The following SART3 variants were observed in gnomAD, a reference collection of about 807,000 sequenced individuals.
SART3 encodes the protein HIV-1 Tat-interacting protein of 110kDa.
SART3 carries 44 observed loss-of-function variants against 122.3 expected under a neutral mutation model. The observed-to-expected ratio is 0.36, with a 90% CI of 0.28 to 0.46. The LOEUF is 0.46. SART3 is among the 20% of genes least tolerant of loss of function. The pLI, the probability that SART3 is intolerant of heterozygous loss-of-function variation, is 1.00. For synonymous variants in SART3, 442 were observed against 454.0 expected (o/e 0.97, Z 0.34); for missense variants, 1,101 against 1,229.0 (o/e 0.90, Z 1.56).
At position 108,560,960 on chromosome 12, in the gene SART3, G is replaced by C. The variant is rs773264444; in HGVS notation, c.195C>G (p.Ser65Arg). ...WDQQEEGVSE[S>R]DGDEYAMASS... ...AAGCCATGGCGTACTCATCCCCATC[G>C]CTCTCGCTCACGCCTTCCTCCTGCT... Residue 65 changes from serine (S) to arginine (R), a missense_variant, in exon 1 of 19, where the codon AGC (serine) becomes AGG (arginine). Ser to Arg is a moderately radical substitution (Grantham distance 110, BLOSUM62 -1). Coordinates refer to ENST00000546815, the MANE Select transcript of SART3 (RefSeq NM_014706.4). The C allele has an allele frequency of 6.2e-7, 1 of 1,613,984 alleles. No homozygotes were observed. Among genetic ancestry groups the C allele is most frequent in the South Asian group, 1.1e-5 (1 of 91,070 alleles).
At chr12:108,556,962 G>C (rs2030245239) in intron 1 of SART3, among the ~76,000 whole-genome samples, 1 of 144,866 alleles carries the variant, frequency 6.9e-6, no homozygotes, top group Non-Finnish European at 1.6e-5. Context: ...ATCAGCAGAA[G>C]AAAAAGGTAT....
intron 15 of SART3, among the ~76,000 whole-genome samples, chr12:108,527,890 C>T (rs35763863): frequency 0.026 from 3,961 of 152,124 alleles, 77 homozygotes; most frequent in Non-Finnish European, 0.042. Context: ...CTCAGCCTCC[C>T]GAGTAGCTGG....
At chr12:108,540,359 A>G (rs1320966231) in intron 6 of SART3, among the ~76,000 whole-genome samples, 1 of 152,212 alleles carries the variant, frequency 6.6e-6, no homozygotes, top group African/African-American at 2.4e-5. Context: ...AAGGGAAGCA[A>G]AGACCTTTTT....
intron 15 of SART3, 109 bp from the exon 16 acceptor site, chr12:108,526,662 C>A: frequency 8.4e-7 from 1 of 1,185,186 alleles, no homozygotes; most frequent in Non-Finnish European, 1.2e-6. Context: ...GTGACACTTA[C>A]TCCCTCACCA....
At chr12:108,557,206 GTTTTTTTT>G (rs71076787) in intron 1 of SART3, among the ~76,000 whole-genome samples, 14 of 82,930 alleles carry the variant, frequency 1.7e-4, no homozygotes, top group African/African-American at 4.9e-4. Flanking sequence ...TAATGACATA[GTTTTTTTT>G]TTTTTTTTTT....
At chr12:108,555,445 A>G (rs1407002468) in intron 1 of SART3, among the ~76,000 whole-genome samples, 1 of 152,174 alleles carries the variant, frequency 6.6e-6, no homozygotes, top group Non-Finnish European at 1.5e-5. Flanking sequence ...CAGGCAGATC[A>G]CTTGAGTCCA....
chr12:108,537,584 T>C lies in SART3; in HGVS notation c.1213A>G (p.Lys405Glu), dbSNP rs1189035066. 6.2e-7 allele frequency: 1 copy of C among 1,613,886 alleles called. No individual in the cohort carries two copies. The highest frequency in any genetic ancestry group is 2.2e-5 in the East Asian group (1 of 44,876). Reference protein sequence around the residue: ...DHQVISVTFEKALNAGFIQAT... With the variant: ...DHQVISVTFEEALNAGFIQAT... ...TGGATGAAGCCGGCATTCAAAGCTT[T>C]CTCGAAGGTTACTGGAGTTGGAGAA... The change falls in exon 9 of 19, where the codon AAA (lysine) becomes GAA (glutamate). Residue 405 changes from lysine to glutamate, a missense_variant. Transcript: ENST00000546815.
intron 14 of SART3, among the ~76,000 whole-genome samples, 171 bp from the exon 15 acceptor site, chr12:108,530,481 G>A (rs145481592): frequency 5.9e-5 from 9 of 152,238 alleles, no homozygotes; most frequent in African/African-American, 2.2e-4. Context: ...ATTCAGGTTC[G>A]TTGGAATTCT....
At chr12:108,555,588 C>A (rs1278306742) in intron 1 of SART3, among the ~76,000 whole-genome samples, 1 of 152,104 alleles carries the variant, frequency 6.6e-6, no homozygotes, top group Non-Finnish European at 1.5e-5. Flanking sequence ...TCGCTTCAGC[C>A]CAGCAGGCGG....
At position 108,547,773 on chromosome 12, in the gene SART3, T is replaced by C. The variant is rs552537456; in HGVS notation, c.544+114A>G. ...GACAACTCAACTTAAATCTTGCTAA[T>C]TGTGAAACTAACGTTCCCTTTTCTG... On this transcript the variant is annotated intron_variant, in intron 3 of 18. Coordinates refer to ENST00000546815, the MANE Select transcript of SART3 (RefSeq NM_014706.4). 8.7e-5 allele frequency: 65 copies of C among 743,194 alleles called. No individual in the cohort carries two copies. The East Asian group carries it at 1.2e-3, about 14-fold the overall frequency. The allele number at this position is 743,194 out of a possible 1,614,324, so 46.0% of individuals were successfully genotyped here. A position where few individuals can be genotyped will look rare whatever the true frequency, so the allele number is the denominator to read the frequency against.
chr12:108,544,107 A>G (rs1343961676), intron 5 of SART3, among the ~76,000 whole-genome samples: 1 of 152,148 alleles, frequency 6.6e-6, no homozygotes, highest in Non-Finnish European at 1.5e-5. Context: ...TTCCCCAAAA[A>G]ATACAGGTGT....
At chr12:108,551,412 T>C (rs577410649) in intron 1 of SART3, among the ~76,000 whole-genome samples, 1 of 152,272 alleles carries the variant, frequency 6.6e-6, no homozygotes, top group East Asian at 1.9e-4. Flanking sequence ...ATCTCCCTTT[T>C]CAGCAACTGA....
rs546423573 is a variant in SART3 at position 108,526,487 on chromosome 12, T to A, written c.1982A>T (p.Glu661Val). ...IPAAGETQNV[E>V]VAAGPAGKCA... is the part of the protein sequence containing the mutation. Reference sequence around the variant, plus strand: ...TTTCCCAGCGGGCCCTGCTGCTACTTCTACATTTTGTGTTTCTCCAGCTGC... The same window carrying A: ...TTTCCCAGCGGGCCCTGCTGCTACTACTACATTTTGTGTTTCTCCAGCTGC... Residue 661 changes from glutamate (E) to valine (V), a missense_variant, in exon 16 of 19, where the codon GAA becomes GTA. Coordinates refer to ENST00000546815, the MANE Select transcript of SART3 (RefSeq NM_014706.4). The A allele has an allele frequency of 6.2e-7, 1 of 1,614,186 alleles. No homozygotes were observed. Among genetic ancestry groups the A allele is most frequent in the Admixed American group, 1.7e-5 (1 of 60,028 alleles).
chr12:108,537,532 T>C lies in SART3; in HGVS notation c.1265A>G (p.Gln422Arg). The change falls in exon 9 of 19, where the codon CAG (glutamine) becomes CGG (arginine). Residue 422 changes from glutamine (Q) to arginine (R), a missense_variant. By Grantham distance (43) the Gln-to-Arg change is conservative. Transcript: ENST00000546815. ...TCTCCTCAGGTAATCAAGGTATGCC[T>C]GCCAAATCTCCACATAATCAGTGGC... ...IQATDYVEIW[Q>R]AYLDYLRRRV... 1 of 1,614,126 alleles carries C rather than the reference T, an allele frequency of 6.2e-7. No individual in the cohort carries two copies. Among genetic ancestry groups the C allele is most frequent in the Non-Finnish European group, 8.5e-7 (1 of 1,179,950 alleles).
chr12:108,536,769 C>A lies in SART3; in HGVS notation c.1326G>T (p.Leu442=), dbSNP rs772667916. 1.2e-6 allele frequency: 2 copies of A among 1,613,828 alleles called. No homozygotes were observed. Among genetic ancestry groups the A allele is most frequent in the South Asian group, 1.1e-5 (1 of 91,066 alleles). The change falls in exon 10 of 19, where the codon CTG becomes CTT. Residue 442 remains leucine, a synonymous_variant. Transcript: ENST00000546815. ...VDFKQDSSKE[L]EELRAAFTRA... is the part of the protein sequence containing the mutation. The stretch of plus-strand genomic sequence containing the variant: ...GAGTAAAGGCGGCCCTCAACTCCTC[C>A]AGCTCTTTACTGGAGTCTAACGGAA...
intron 12 of SART3, among the ~76,000 whole-genome samples, chr12:108,533,388 C>A (rs1398705146): frequency 5.6e-3 from 722 of 129,526 alleles, no homozygotes; most frequent in East Asian, 6.3e-3. Flanking sequence ...TGGTTATTGC[C>A]AAAAAAAAAA....
At chr12:108,557,824 T>C (rs1000145232) in intron 1 of SART3, among the ~76,000 whole-genome samples, 1 of 152,166 alleles carries the variant, frequency 6.6e-6, no homozygotes, top group Non-Finnish European at 1.5e-5. Context: ...ATGGAAAATA[T>C]TTGCTTTTGT....
intron 12 of SART3, among the ~76,000 whole-genome samples, chr12:108,533,756 GA>G (rs1299128480): frequency 6.6e-6 from 1 of 152,184 alleles, no homozygotes; most frequent in African/African-American, 2.4e-5. Flanking sequence ...GTCAACATTG[GA>G]AGAGCTGCAT....
At chr12:108,548,076 GT>G in intron 2 of SART3, 85 bp from the exon 3 acceptor site, 4 of 1,147,664 alleles carry the variant, frequency 3.5e-6, no homozygotes. Context: ...GCATGCAAAC[GT>G]TTCATCCATC....
Sources: gnomAD v4.1 joint callset for allele counts (sites outside exome capture counted in the v4.1 genomes callset) on GRCh38, gnomAD v4.1.1 for gene constraint, MANE v1.5 for transcripts, NCBI Gene and HGNC (gene_info 2026-07-23, HGNC 2026-07-21) for gene names.